Variants in ITGA8 observed in about 807,000 individuals in gnomAD.
The protein encoded by ITGA8 is integrin alpha-8.
Under a neutral mutation model 142.3 loss-of-function variants are expected in ITGA8, and 91 were observed. The observed-to-expected ratio is 0.64, with a 90% confidence interval of 0.54 to 0.76. The LOEUF is 0.76. Among genes scored for constraint, ITGA8 ranks in the 30% least tolerant of loss-of-function variants. ITGA8 has a pLI of 0.00. For missense variants in ITGA8, 1,406 were observed against 1,327.7 expected (o/e 1.06, Z -0.92); for synonymous variants, 505 against 485.2 (o/e 1.04, Z -0.54).
intron 26 of ITGA8, among the ~76,000 whole-genome samples, chr10:15,555,859 A>C (rs564035343): frequency 1.5e-4 from 23 of 151,314 alleles, no homozygotes; most frequent in Admixed American, 2.6e-4. Context: ...CCACGCCCGG[A>C]TAATTTTTTT....
At chr10:15,539,375 A>G (rs1287283543) in intron 27 of ITGA8, among the ~76,000 whole-genome samples, 3 of 151,938 alleles carry the variant, frequency 2.0e-5, no homozygotes, top group African/African-American at 7.2e-5. Flanking sequence ...CATCACCATG[A>G]CTCTTCCCCA....
At chr10:15,555,913 G>A (rs2131564854) in intron 26 of ITGA8, among the ~76,000 whole-genome samples, 1 of 150,798 alleles carries the variant, frequency 6.6e-6, no homozygotes, top group South Asian at 2.1e-4. Flanking sequence ...TAACCAGAAT[G>A]GTCTTGATCT....
intron 2 of ITGA8, among the ~76,000 whole-genome samples, chr10:15,697,726 G>C (rs1219203354): frequency 6.6e-6 from 1 of 152,024 alleles, no homozygotes; most frequent in Non-Finnish European, 1.5e-5. Context: ...TATGTGTCAT[G>C]AAATATTATT....
At chr10:15,568,125 T>C (rs141041365) in intron 25 of ITGA8, among the ~76,000 whole-genome samples, 42 of 152,302 alleles carry the variant, frequency 2.8e-4, no homozygotes, top group Non-Finnish European at 5.3e-4. Context: ...GGTCTTGCTA[T>C]GTTGTCCAGG....
At chr10:15,545,682 C>G (rs1833655047) in intron 27 of ITGA8, among the ~76,000 whole-genome samples, 1 of 21,410 alleles carries the variant, frequency 4.7e-5, no homozygotes, top group Non-Finnish European at 5.2e-4. Context: ...CTTAGTTTGC[C>G]TGTTTTTTTT....
In ITGA8 at chr10:15,633,520, G is replaced by A. The variant is rs148948176; in HGVS notation, c.1399+10510C>T. Among the ~76,000 whole-genome samples the A allele has an allele frequency of 4.6e-3, 698 of 152,106 alleles. 6 individuals carry two copies. The highest frequency in any genetic ancestry group is 0.016 in the African/African-American group (668 of 41,494). On this transcript the variant is annotated intron_variant, in intron 13 of 29. Coordinates refer to ENST00000378076, the MANE Select transcript of ITGA8 (RefSeq NM_003638.3). ...ACAATCTCAGCTCACTGCAACCTCC[G>A]CCTCTCAGGTTCAAGCAAGTTCCCA...
intron 2 of ITGA8, among the ~76,000 whole-genome samples, chr10:15,689,474 C>G (rs1414924496): frequency 6.6e-6 from 1 of 152,148 alleles, no homozygotes; most frequent in African/African-American, 2.4e-5. Context: ...CAGGAGGCCT[C>G]CTGAGCCCCA....
intron 2 of ITGA8, among the ~76,000 whole-genome samples, chr10:15,699,621 C>G (rs1835123875): frequency 6.6e-6 from 1 of 152,196 alleles, no homozygotes; most frequent in Non-Finnish European, 1.5e-5. Context: ...CACTTCTACT[C>G]TGAGCTCTGA....
At chr10:15,689,006 GA>G (rs1415851605) in intron 2 of ITGA8, among the ~76,000 whole-genome samples, 1 of 152,080 alleles carries the variant, frequency 6.6e-6, no homozygotes, top group African/African-American at 2.4e-5. Flanking sequence ...AGTTGGGCAA[GA>G]AAAAGAAATA....
At chr10:15,664,093 G>A (rs1483321452) in intron 8 of ITGA8, among the ~76,000 whole-genome samples, 1 of 152,142 alleles carries the variant, frequency 6.6e-6, no homozygotes, top group Non-Finnish European at 1.5e-5. Flanking sequence ...TTAACTCACT[G>A]AATTCTCAGA....
intron 21 of ITGA8, among the ~76,000 whole-genome samples, chr10:15,594,556 G>T (rs771124286): frequency 6.6e-6 from 1 of 152,142 alleles, no homozygotes; most frequent in African/African-American, 2.4e-5. Context: ...AGGCCGAGGT[G>T]GGTGGATCAC....
At chr10:15,549,633 A>T (rs1049308254) in intron 26 of ITGA8, among the ~76,000 whole-genome samples, 26 of 152,212 alleles carry the variant, frequency 1.7e-4, no homozygotes, top group African/African-American at 6.3e-4. Context: ...GTTTAAATTT[A>T]TCTTGTGGCC....
At chr10:15,574,321 T>C (rs1214526331) in intron 24 of ITGA8, among the ~76,000 whole-genome samples, 4 of 152,226 alleles carry the variant, frequency 2.6e-5, no homozygotes, top group South Asian at 2.1e-4. Context: ...TCATTTCCAA[T>C]TTGGGTTCTT....
chr10:15,638,521 G>C (rs1455464592), intron 13 of ITGA8, among the ~76,000 whole-genome samples: 1 of 152,168 alleles, frequency 6.6e-6, no homozygotes, highest in African/African-American at 2.4e-5. Flanking sequence ...AGACAGAGCT[G>C]CTAAGCATTT....
chr10:15,664,158 A>G (rs559571153), intron 8 of ITGA8, among the ~76,000 whole-genome samples: 1 of 152,320 alleles, frequency 6.6e-6, no homozygotes, highest in East Asian at 1.9e-4. Context: ...TTTAGGAATG[A>G]AAAAATTTGG....
chr10:15,566,734 C>A (rs1297038309), intron 25 of ITGA8, among the ~76,000 whole-genome samples: 5 of 151,546 alleles, frequency 3.3e-5, no homozygotes, highest in African/African-American at 1.2e-4. Context: ...TTGCTTGAGC[C>A]TGGGAGACAG....
chr10:15,547,901 T>A (rs1564345745), intron 27 of ITGA8, among the ~76,000 whole-genome samples: 1 of 152,212 alleles, frequency 6.6e-6, no homozygotes, highest in Non-Finnish European at 1.5e-5. Flanking sequence ...AACAGTGGAC[T>A]AAGTACATTT....
At chr10:15,573,789 T>A (rs1834231977) in intron 24 of ITGA8, among the ~76,000 whole-genome samples, 1 of 152,130 alleles carries the variant, frequency 6.6e-6, no homozygotes, top group Non-Finnish European at 1.5e-5. Flanking sequence ...CAGAACGCCT[T>A]GGAACATGGT....
chr10:15,658,888 G>A (rs949787712), intron 10 of ITGA8, 111 bp downstream of exon 10: 20 of 752,932 alleles, frequency 2.7e-5, no homozygotes, highest in East Asian at 1.5e-4. Context: ...TTTCCAGTAC[G>A]TAGTAGCTGC....
Sources: gnomAD v4.1 joint callset for allele counts (sites outside exome capture counted in the v4.1 genomes callset) on GRCh38, gnomAD v4.1.1 for gene constraint, MANE v1.5 for transcripts, NCBI Gene and HGNC (gene_info 2026-07-23, HGNC 2026-07-21) for gene names.